The following PTPRM variants were observed in gnomAD, a reference collection of about 807,000 sequenced individuals.
The protein encoded by PTPRM is receptor-type tyrosine-protein phosphatase mu.
PTPRM carries 47 observed loss-of-function variants against 186.7 expected under a neutral mutation model. The observed-to-expected ratio is 0.25, with a 90% CI of 0.20 to 0.32. The LOEUF (loss-of-function observed/expected upper bound fraction) is 0.32, where lower values mean the gene tolerates loss of function less well. Among genes scored for constraint, PTPRM ranks in the 10% least tolerant of loss-of-function variants. PTPRM has a pLI of 1.00. For missense variants in PTPRM, 1,494 were observed against 1,865.0 expected, an observed-to-expected ratio of 0.80 and a Z score of 3.66; for synonymous variants, 668 against 674.9, an observed-to-expected ratio of 0.99 and a Z score of 0.16.
intron 1 of PTPRM, among the ~76,000 whole-genome samples, chr18:7,756,600 A>G (rs961613582): frequency 6.6e-6 from 1 of 152,204 alleles, no homozygotes; most frequent in Non-Finnish European, 1.5e-5. Context: ...TTTAGTAGAG[A>G]TGCAATTTAC....
At chr18:7,830,477 C>G (rs1278083005) in intron 2 of PTPRM, among the ~76,000 whole-genome samples, 1 of 152,166 alleles carries the variant, frequency 6.6e-6, no homozygotes, top group Non-Finnish European at 1.5e-5. Flanking sequence ...AATGGTATAG[C>G]CTACTACACA....
Position 8,319,197 on chromosome 18 carries a change from A to G in PTPRM, c.2939A>G (p.His980Arg). Residue 980 changes from histidine (H) to arginine (R), a missense_variant, in exon 22 of 33, where the codon CAT (histidine) becomes CGT (arginine). His to Arg is a conservative substitution (Grantham distance 29, BLOSUM62 0). Around this residue, in one of 3 missense-constraint regions of PTPRM, gnomAD observed 1,107 missense variants for 1,350.2 expected, o/e 0.82. Transcript: ENST00000580170. ...TTTTAGGGTTATCATCGACCCAATC[A>G]TTACATTGCTACCCAAGGTAAGTTT... is the stretch of plus-strand genomic sequence containing the variant. ...NYIDGYHRPN[H>R]YIATQGPMQE... 6.4e-7 allele frequency: 1 copy of G among 1,558,640 alleles called. No individual in the cohort carries two copies. Among genetic ancestry groups the G allele is most frequent in the Non-Finnish European group, 8.8e-7 (1 of 1,133,988 alleles).
chr18:7,800,156 TC>T (rs2043879034), intron 2 of PTPRM, among the ~76,000 whole-genome samples: 1 of 151,856 alleles, frequency 6.6e-6, no homozygotes, highest in Non-Finnish European at 1.5e-5. Flanking sequence ...AAACATTAAA[TC>T]CCCCCCTTCA....
intron 9 of PTPRM, among the ~76,000 whole-genome samples, chr18:8,079,654 A>T (rs1447751311): frequency 6.6e-6 from 1 of 152,160 alleles, no homozygotes; most frequent in Non-Finnish European, 1.5e-5. Context: ...TAAACACCAG[A>T]TTCATGATCT....
intron 7 of PTPRM, among the ~76,000 whole-genome samples, chr18:7,984,940 T>C (rs1476739060): frequency 2.2e-5 from 1 of 46,160 alleles, no homozygotes; most frequent in Non-Finnish European, 4.8e-5. Flanking sequence ...AATATATACA[T>C]ATATATACAT....
chr18:7,646,362 A>G (rs1598289339), intron 1 of PTPRM, among the ~76,000 whole-genome samples: 2 of 152,156 alleles, frequency 1.3e-5, no homozygotes, highest in South Asian at 2.1e-4. Flanking sequence ...CTGGGCTTTG[A>G]TGGACATTGC....
At chr18:8,328,991 C>T (rs757840343) in intron 22 of PTPRM, among the ~76,000 whole-genome samples, 7 of 152,178 alleles carry the variant, frequency 4.6e-5, no homozygotes, top group Non-Finnish European at 7.3e-5. Context: ...TAGAGCATGT[C>T]AGGTAACATC....
chr18:8,328,118 T>A (rs1368652093), intron 22 of PTPRM, among the ~76,000 whole-genome samples: 1 of 152,200 alleles, frequency 6.6e-6, no homozygotes, highest in African/African-American at 2.4e-5. Flanking sequence ...ATACTTCTGG[T>A]ATAGGTTTAA....
intron 7 of PTPRM, among the ~76,000 whole-genome samples, chr18:7,986,641 G>A (rs2082978874): frequency 6.6e-6 from 1 of 152,164 alleles, no homozygotes; most frequent in South Asian, 2.1e-4. Context: ...CAAGTGCAGG[G>A]CAAAATTGTG....
At chr18:8,100,621 G>A (rs1002522576) in intron 11 of PTPRM, among the ~76,000 whole-genome samples, 8 of 152,170 alleles carry the variant, frequency 5.3e-5, no homozygotes, top group Non-Finnish European at 1.0e-4. Context: ...TTTGGGCAGG[G>A]ACAAATATCC....
At chr18:8,014,716 T>C (rs1222077060) in intron 7 of PTPRM, among the ~76,000 whole-genome samples, 1 of 152,208 alleles carries the variant, frequency 6.6e-6, no homozygotes, top group Admixed American at 6.5e-5. Context: ...ATATACACAC[T>C]CATTTATACC....
intron 1 of PTPRM, among the ~76,000 whole-genome samples, chr18:7,620,520 A>G (rs2037912642): frequency 6.6e-6 from 1 of 152,150 alleles, no homozygotes; most frequent in Non-Finnish European, 1.5e-5. Flanking sequence ...TGCTTTCATC[A>G]AGCCAGAGCT....
intron 19 of PTPRM, among the ~76,000 whole-genome samples, chr18:8,286,223 G>A (rs531466837): frequency 1.3e-5 from 2 of 152,276 alleles, no homozygotes; most frequent in African/African-American, 4.8e-5. Context: ...TCTGCTAGTT[G>A]CAACTTCCCA....
chr18:7,818,192 T>G (rs1398804907), intron 2 of PTPRM, among the ~76,000 whole-genome samples: 1 of 152,208 alleles, frequency 6.6e-6, no homozygotes, highest in East Asian at 1.9e-4. Context: ...GTCTCTCTTC[T>G]CTACTAATTT....
intron 1 of PTPRM, among the ~76,000 whole-genome samples, chr18:7,736,235 A>G (rs983293145): frequency 1.3e-5 from 2 of 152,214 alleles, no homozygotes. Context: ...ACAACTGCTT[A>G]GCTCCAGGTA....
At chr18:7,928,398 C>G (rs987082816) in intron 5 of PTPRM, among the ~76,000 whole-genome samples, 4 of 152,084 alleles carry the variant, frequency 2.6e-5, no homozygotes, top group African/African-American at 9.7e-5. Context: ...TCTTTTTAAC[C>G]TACATCCCAA....
chr18:7,894,778 T>C (rs1364195026), intron 3 of PTPRM, among the ~76,000 whole-genome samples: 2 of 151,948 alleles, frequency 1.3e-5, no homozygotes, highest in Admixed American at 1.3e-4. Flanking sequence ...CTAAAGGAGG[T>C]GACACCTTTG....
At chr18:8,202,420 T>G (rs1023349309) in intron 14 of PTPRM, among the ~76,000 whole-genome samples, 1 of 152,216 alleles carries the variant, frequency 6.6e-6, no homozygotes, top group Admixed American at 6.5e-5. Flanking sequence ...CTCTGCTCAG[T>G]GTGGGCCCAG....
intron 13 of PTPRM, among the ~76,000 whole-genome samples, chr18:8,117,403 A>G (rs575526411): frequency 6.6e-6 from 1 of 152,350 alleles, no homozygotes; most frequent in Non-Finnish European, 1.5e-5. Flanking sequence ...ACTGTTGACA[A>G]GTATCTTTAT....
Sources: allele counts gnomAD v4.1 joint callset (sites outside exome capture counted in the v4.1 genomes callset), GRCh38; gene constraint gnomAD v4.1.1; regional missense constraint gnomAD v4.1.1; transcripts MANE v1.5; gene names NCBI Gene and HGNC (gene_info 2026-07-23, HGNC 2026-07-21).